The following PWWP2A variants were observed in gnomAD, a reference collection of about 807,000 sequenced individuals.
The protein encoded by PWWP2A is PWWP domain-containing protein 2A.
A neutral mutation model predicts 48.5 loss-of-function variants in PWWP2A; 18 were observed. That is an observed-to-expected ratio of 0.37 (90% CI 0.26 to 0.55). PWWP2A has a LOEUF of 0.55. Ranked by LOEUF, PWWP2A falls within the 20% of genes least tolerant of loss-of-function variation. The pLI is 0.81. For missense variants in PWWP2A, 867 were observed against 976.4 expected (o/e 0.89, Z 1.49); for synonymous variants, 396 against 387.7 (o/e 1.02, Z -0.25).
Position 160,119,132 on chromosome 5 carries a change from C to T in PWWP2A, c.257G>A (p.Gly86Glu). Residue 86 changes from glycine (G) to glutamate (E), a missense_variant, in exon 1 of 2, where the codon GGG (glycine) becomes GAG (glutamate). This residue lies in a region of PWWP2A where 385 missense variants were observed against 396.9 expected (regional missense o/e 0.97). Coordinates refer to ENST00000307063, the MANE Select transcript of PWWP2A (RefSeq NM_001130864.2). The part of the protein sequence containing the change: ...GELARSPEAV[G>E]PELEAEEKLS... ...TTTCTCCTCAGCCTCCAGCTCCGGC[C>T]CCACCGCCTCTGGGCTGCGGGCGAG... The T allele has an allele frequency of 6.3e-7, 1 of 1,580,706 alleles. No individual in the cohort carries two copies. Among genetic ancestry groups the T allele is most frequent in the Middle Eastern group, 1.7e-4 (1 of 5,980 alleles).
downstream of PWWP2A, chr5:160,090,397 G>C (rs530597857): frequency 2.8e-4 from 271 of 982,992 alleles, 3 homozygotes; most frequent in South Asian, 0.012. Context: ...GATTGAACAA[G>C]TTCATTAATC....
downstream of PWWP2A, chr5:160,090,607 T>C (rs974791303): frequency 2.0e-6 from 2 of 985,118 alleles, no homozygotes; most frequent in Non-Finnish European, 2.4e-6. Context: ...TAAGAAATTC[T>C]ACTTGCTTCT....
At chr5:160,061,053 G>A (rs180714882), downstream of PWWP2A, among the ~76,000 whole-genome samples, 32 of 152,336 alleles carry the variant, frequency 2.1e-4, no homozygotes, top group South Asian at 2.7e-3. Flanking sequence ...AGCTGTCAGT[G>A]GCCTCCTGTG....
chr5:160,067,096 GAC>G (rs1331699883), intron 2 of PWWP2A, among the ~76,000 whole-genome samples: 1 of 152,008 alleles, frequency 6.6e-6, no homozygotes, highest in African/African-American at 2.4e-5. Context: ...CCAACTCAAA[GAC>G]ACATTTTAGT....
rs568354402 is a variant in PWWP2A, at chr5:160,092,410, C to T, written c.2240G>A (p.Arg747Gln). Reference protein sequence around the residue: ...KAAKQLTPEVRALLTQFET With the variant: ...KAAKQLTPEVQALLTQFET Reference sequence around the variant, plus strand: ...CGTTTCAAACTGTGTCAACAAAGCCCGCACTTCGGGGGTCAGCTGCTTGGC... The same window carrying T: ...CGTTTCAAACTGTGTCAACAAAGCCTGCACTTCGGGGGTCAGCTGCTTGGC... Residue 747 changes from arginine to glutamine, a missense_variant, in exon 2 of 2, where the codon CGG (arginine) becomes CAG (glutamine). Arg to Gln is a conservative substitution (Grantham distance 43, BLOSUM62 1). Around this residue, in one of 4 missense-constraint regions of PWWP2A, gnomAD observed 97 missense variants for 151.7 expected, o/e 0.64. Transcript: ENST00000307063. The T allele has an allele frequency of 5.2e-6, 8 of 1,547,318 alleles. No homozygotes were observed. The highest frequency in any genetic ancestry group is 2.8e-5 in the African/African-American group (2 of 72,500).
rs749477770 is a variant in PWWP2A at position 160,119,026 on chromosome 5, C to T, written c.363G>A (p.Pro121=). 9 of 1,598,098 alleles carry T rather than the reference C, an allele frequency of 5.6e-6. No homozygotes were observed. The highest frequency in any genetic ancestry group is 4.6e-5 in the East Asian group (2 of 43,618). The change falls in exon 1 of 2, where the codon CCG becomes CCA. Residue 121 remains proline, a synonymous_variant. Transcript: ENST00000307063. ...GCTCCTCGGGAGCCGGGGGCTGCTCCGGCGGCGATGCAGGAGAAGGTGGAA... is the reference window on the plus strand; with the variant it reads ...GCTCCTCGGGAGCCGGGGGCTGCTCTGGCGGCGATGCAGGAGAAGGTGGAA... The part of the protein sequence containing the change: ...PELPPSPASP[P]EQPPAPEERE...
intron 1 of PWWP2A, among the ~76,000 whole-genome samples, chr5:160,102,397 CAAAAA>C (rs70988002): frequency 1.6e-5 from 1 of 64,220 alleles, no homozygotes; most frequent in African/African-American, 6.5e-5. Context: ...GACTCCATCT[CAAAAA>C]AAAAAAAAAA....
chr5:160,087,002 G>C (rs1754693374), downstream of PWWP2A, among the ~76,000 whole-genome samples: 1 of 152,172 alleles, frequency 6.6e-6, no homozygotes, highest in Non-Finnish European at 1.5e-5. Flanking sequence ...GAAGGGAACA[G>C]TTTTAACCAA....
chr5:160,061,464 T>C (rs1753394555), downstream of PWWP2A, among the ~76,000 whole-genome samples: 1 of 152,236 alleles, frequency 6.6e-6, no homozygotes, highest in South Asian at 2.1e-4. Flanking sequence ...GTCATGTATC[T>C]TTGCATCTCT....
intron 1 of PWWP2A, among the ~76,000 whole-genome samples, chr5:160,118,180 T>C (rs1047181268): frequency 1.2e-4 from 18 of 152,318 alleles, no homozygotes; most frequent in South Asian, 2.1e-4. Context: ...TCTTTAAACT[T>C]TTCTTAAACT....
chr5:160,092,906 C>T lies in PWWP2A; in HGVS notation c.1744G>A (p.Val582Met). The change falls in exon 2 of 2, where the codon GTG (valine) becomes ATG (methionine). Residue 582 changes from valine (V) to methionine (M), a missense_variant. By Grantham distance (21) the Val-to-Met change is conservative. Around this residue, in one of 4 missense-constraint regions of PWWP2A, gnomAD observed 382 missense variants for 407.2 expected, o/e 0.94. Transcript: ENST00000307063. The part of the protein sequence containing the change: ...QKKSDSSSAS[V>M]CSIDSTDDLK... ...TCATCTGTGCTATCAATGCTACACA[C>T]TGAAGCACTGGAAGAGTCAGATTTC... The T allele has an allele frequency of 6.4e-7, 1 of 1,551,646 alleles. No homozygotes were observed. Among genetic ancestry groups the T allele is most frequent in the Non-Finnish European group, 8.7e-7 (1 of 1,146,908 alleles).
chr5:160,094,700 C>A (rs527996767), intron 1 of PWWP2A, among the ~76,000 whole-genome samples: 24 of 152,258 alleles, frequency 1.6e-4, no homozygotes, highest in African/African-American at 5.8e-4. Context: ...CTGTGGCTTT[C>A]TTTTTAAATC....
the PWWP2A span, among the ~76,000 whole-genome samples, chr5:160,046,270 C>T: frequency 8.8e-3 from 1,338 of 152,284 alleles, 19 homozygotes; most frequent in African/African-American, 0.031. Flanking sequence ...TCAATTTAGT[C>T]GTTGCTTCTC....
chr5:160,060,311 A>C (rs1757663699), downstream of PWWP2A, among the ~76,000 whole-genome samples: 2 of 152,222 alleles, frequency 1.3e-5, no homozygotes, highest in Admixed American at 1.3e-4. Flanking sequence ...ATGTATAACA[A>C]ATCAATTGGG....
chr5:160,072,743 A>AAAT (rs1554098595), downstream of PWWP2A, among the ~76,000 whole-genome samples: 2,041 of 151,902 alleles, frequency 0.013, 40 homozygotes, highest in African/African-American at 0.046. Context: ...ATAAATAAAT[A>AAAT]AATAATAAAA....
At chr5:160,059,113 A>G (rs1231564380), downstream of PWWP2A, among the ~76,000 whole-genome samples, 2 of 152,190 alleles carry the variant, frequency 1.3e-5, no homozygotes, top group Non-Finnish European at 1.5e-5. Flanking sequence ...GAGTCAGCCT[A>G]TCCTTTGAAG....
At chr5:160,065,497 C>T (rs1455847556) in intron 4 of PWWP2A, 2 of 433,646 alleles carry the variant, frequency 4.6e-6, no homozygotes, top group South Asian at 1.6e-5. Context: ...AGGCTGCCTC[C>T]AGCATTTCCT....
downstream of PWWP2A, among the ~76,000 whole-genome samples, chr5:160,087,745 C>A (rs949763679): frequency 6.6e-6 from 1 of 152,098 alleles, no homozygotes; most frequent in African/African-American, 2.4e-5. Context: ...ACAAAAAAAT[C>A]ACAGTGCTCC....
rs746794384 is a variant in PWWP2A at position 160,093,857 on chromosome 5, G to C, written c.793C>G (p.Leu265Val). Reference sequence around the variant, plus strand: ...GGATAAGGTGCTCCTTCATGGAAGAGAGGTGGTGGTTTGGAAGTCCACAGG... The same window carrying C: ...GGATAAGGTGCTCCTTCATGGAAGACAGGTGGTGGTTTGGAAGTCCACAGG... Reference protein sequence around the residue: ...ESLWTSKPPPLFHEGAPYPPP... With the variant: ...ESLWTSKPPPVFHEGAPYPPP... The change falls in exon 2 of 2, where the codon CTC becomes GTC. Residue 265 changes from leucine (L) to valine (V), a missense_variant. By Grantham distance (32) the Leu-to-Val change is conservative. This residue lies in a region of PWWP2A where 385 missense variants were observed against 396.9 expected (regional missense o/e 0.97). Coordinates refer to ENST00000307063, the MANE Select transcript of PWWP2A (RefSeq NM_001130864.2). The surrounding 1 kb of genome is among the most constrained non-coding windows in gnomAD (Gnocchi z 5.8). 8 of 1,613,956 alleles carry C rather than the reference G, an allele frequency of 5.0e-6. No homozygotes were observed. The highest frequency in any genetic ancestry group is 6.8e-6 in the Non-Finnish European group (8 of 1,179,918).
Sources: gnomAD v4.1 joint callset for allele counts (sites outside exome capture counted in the v4.1 genomes callset) on GRCh38, gnomAD v4.1.1 for gene constraint, gnomAD v4.1.1 regional missense constraint, Gnocchi (gnomAD v3.1) non-coding constraint, MANE v1.5 for transcripts, NCBI Gene and HGNC (gene_info 2026-07-23, HGNC 2026-07-21) for gene names.